TCAIM: variants seen among roughly 807,000 people sequenced by gnomAD.
TCAIM encodes T cell activation inhibitor, mitochondrial.
Under a neutral mutation model 58.6 loss-of-function variants are expected in TCAIM, and 36 were observed. That is an observed-to-expected ratio of 0.61 (90% confidence interval 0.47 to 0.81). The LOEUF (loss-of-function observed/expected upper bound fraction) is 0.81, where lower values mean the gene tolerates loss of function less well. Among genes scored for constraint, TCAIM ranks in the 30% least tolerant of loss-of-function variants. The pLI is 0.00. For synonymous variants in TCAIM, 172 were observed against 193.6 expected (o/e 0.89, Z 0.93); for missense variants, 466 against 579.6 (o/e 0.80, Z 2.01).
At chr3:44,345,537 T>G (rs1177576235) in intron 1 of TCAIM, among the ~76,000 whole-genome samples, 1 of 152,196 alleles carries the variant, frequency 6.6e-6, no homozygotes, top group Non-Finnish European at 1.5e-5. Flanking sequence ...GTCCCCTTTT[T>G]TTTTAGCAGT....
intron 4 of TCAIM, 64 bp from the exon 5 acceptor site, chr3:44,367,392 A>G (rs1471897350): frequency 6.7e-7 from 1 of 1,499,354 alleles, no homozygotes; most frequent in Non-Finnish European, 8.9e-7. Context: ...TTTTGATTTT[A>G]TATATGTTGA....
chr3:44,386,074 A>T lies in TCAIM; in HGVS notation c.573-6781A>T, dbSNP rs145158514. ...AAAATTTGCAGGAATAGGGCCAGGCAGAGTGGCTCGCACCTATAATCCCAG... is the reference window on the plus strand; with the variant it reads ...AAAATTTGCAGGAATAGGGCCAGGCTGAGTGGCTCGCACCTATAATCCCAG... On this transcript the variant is annotated intron_variant, in intron 5 of 10. Transcript: ENST00000342649. Among the ~76,000 whole-genome samples the T allele has an allele frequency of 1.4e-4, 21 of 151,774 alleles. No homozygotes were observed. In the East Asian group the frequency reaches 4.1e-3, roughly 30 times the overall value.
chr3:44,346,735 C>T (rs548136116), intron 1 of TCAIM, among the ~76,000 whole-genome samples: 3 of 152,084 alleles, frequency 2.0e-5, no homozygotes, highest in Non-Finnish European at 4.4e-5. Flanking sequence ...CAGCAGCTGC[C>T]GCGTGCAGAC....
Position 44,361,492 on chromosome 3 carries a change from A to G in TCAIM, c.293A>G (p.Asp98Gly). 1 of 1,605,680 alleles carries G rather than the reference A, an allele frequency of 6.2e-7. No homozygotes were observed. The highest frequency in any genetic ancestry group is 8.5e-7 in the Non-Finnish European group (1 of 1,176,896). Reference sequence around the variant, plus strand: ...AGAGAAACAGACCAGAGTTCCTCCGATGGCCAGGAACCTTTTAGTACTTCC... The same window carrying G: ...AGAGAAACAGACCAGAGTTCCTCCGGTGGCCAGGAACCTTTTAGTACTTCC... ...YVRETDQSSS[D>G]GQEPFSTSGF... Residue 98 changes from aspartate to glycine, a missense_variant, in exon 4 of 11, where the codon GAT (aspartate) becomes GGT (glycine). Coordinates refer to ENST00000342649, the MANE Select transcript of TCAIM (RefSeq NM_173826.4).
chr3:44,396,319 G>A (rs1232497251), intron 6 of TCAIM, 81 bp from the exon 7 acceptor site: 2 of 1,156,678 alleles, frequency 1.7e-6, no homozygotes, highest in Non-Finnish European at 2.5e-6. Context: ...GGCTTTCCAA[G>A]GACTCCAGTA....
At chr3:44,376,470 T>C (rs966100385) in intron 5 of TCAIM, among the ~76,000 whole-genome samples, 6 of 152,222 alleles carry the variant, frequency 3.9e-5, no homozygotes, top group African/African-American at 1.2e-4. Context: ...GTTTTTGTTA[T>C]TGAAGTTAAG....
intron 5 of TCAIM, among the ~76,000 whole-genome samples, chr3:44,374,172 G>A (rs1228762282): frequency 6.6e-6 from 1 of 151,980 alleles, no homozygotes; most frequent in Non-Finnish European, 1.5e-5. Context: ...AACTCATATT[G>A]TGCGTTTATT....
intron 1 of TCAIM, among the ~76,000 whole-genome samples, chr3:44,351,569 A>T (rs1195497981): frequency 2.0e-5 from 3 of 151,846 alleles, no homozygotes; most frequent in Non-Finnish European, 2.9e-5. Context: ...ATCTCGGCTC[A>T]CTCCAACCTC....
chr3:44,401,284 T>G lies in TCAIM; in HGVS notation c.1200T>G (p.Phe400Leu). ...GTGATCCAGCAAATCTCCAGTGGTTTATTCTCACCAAAGCTCAGCAGGCAA... is the reference window on the plus strand; with the variant it reads ...GTGATCCAGCAAATCTCCAGTGGTTGATTCTCACCAAAGCTCAGCAGGCAA... Reference protein sequence around the residue: ...TLCDPANLQWFILTKAQQARE... With the variant: ...TLCDPANLQWLILTKAQQARE... The change falls in exon 10 of 11, where the codon TTT (phenylalanine) becomes TTG (leucine). Residue 400 changes from phenylalanine (F) to leucine (L), a missense_variant. Coordinates refer to ENST00000342649, the MANE Select transcript of TCAIM (RefSeq NM_173826.4). 1 of 1,614,112 alleles carries G rather than the reference T, an allele frequency of 6.2e-7. No homozygotes were observed. The highest frequency in any genetic ancestry group is 1.1e-5 in the South Asian group (1 of 91,086).
At chr3:44,389,306 A>G (rs1317917406) in intron 5 of TCAIM, among the ~76,000 whole-genome samples, 2 of 152,250 alleles carry the variant, frequency 1.3e-5, no homozygotes, top group African/African-American at 4.8e-5. Flanking sequence ...TAATAATAAT[A>G]AAACAGAAAC....
At chr3:44,380,912 C>T (rs1451552410) in intron 5 of TCAIM, among the ~76,000 whole-genome samples, 2 of 152,044 alleles carry the variant, frequency 1.3e-5, no homozygotes, top group Non-Finnish European at 2.9e-5. Context: ...ATAAAATGGA[C>T]ATATTTCTAG....
chr3:44,389,817 C>A (rs1302511015), intron 5 of TCAIM, among the ~76,000 whole-genome samples: 1 of 152,022 alleles, frequency 6.6e-6, no homozygotes, highest in African/African-American at 2.4e-5. Flanking sequence ...CGTGTAAGAC[C>A]CTTCATAGTC....
chr3:44,377,564 G>A (rs1020338008), intron 5 of TCAIM, among the ~76,000 whole-genome samples: 2 of 152,160 alleles, frequency 1.3e-5, no homozygotes, highest in Non-Finnish European at 2.9e-5. Context: ...AACAACAACA[G>A]CATACACATT....
rs375307584 is a variant in TCAIM at position 44,394,585 on chromosome 3, A to G, written c.695+1608A>G. 5.2e-4 allele frequency among the ~76,000 whole-genome samples: 79 copies of G among 152,106 alleles called. No individual in the cohort carries two copies. In the East Asian group the frequency reaches 0.013, roughly 25 times the overall value. Reference sequence around the variant, plus strand: ...GAGAAATTTCTCAGCTTTAATTTATATTATGGTAAATGTCAATAGATATAA... The same window carrying G: ...GAGAAATTTCTCAGCTTTAATTTATGTTATGGTAAATGTCAATAGATATAA... On this transcript the variant is annotated intron_variant, in intron 6 of 10. Coordinates refer to ENST00000342649, the MANE Select transcript of TCAIM (RefSeq NM_173826.4).
chr3:44,390,020 A>G (rs1452999624), intron 5 of TCAIM, among the ~76,000 whole-genome samples: 3 of 152,212 alleles, frequency 2.0e-5, no homozygotes, highest in Admixed American at 2.0e-4. Context: ...TACCTGTTCT[A>G]CAGAATCTTC....
At position 44,401,243 on chromosome 3, in the gene TCAIM, A is replaced by T; in HGVS notation, c.1159A>T (p.Asn387Tyr). 1 of 1,614,096 alleles carries T rather than the reference A, an allele frequency of 6.2e-7. No homozygotes were observed. Among genetic ancestry groups the T allele is most frequent in the South Asian group, 1.1e-5 (1 of 91,088 alleles). Residue 387 changes from asparagine (N) to tyrosine (Y), a missense_variant, in exon 10 of 11, where the codon AAT becomes TAT. Asn to Tyr is a moderately radical substitution (Grantham distance 143). Coordinates refer to ENST00000342649, the MANE Select transcript of TCAIM (RefSeq NM_173826.4). ...AAGCTTGCATGAACTCGGGCATTTT[A>T]ATATTCCAACACTCTGTGATCCAGC... ...APSLHELGHF[N>Y]IPTLCDPANL...
intron 4 of TCAIM, among the ~76,000 whole-genome samples, chr3:44,363,793 T>G (rs1701326544): frequency 6.6e-6 from 1 of 152,120 alleles, no homozygotes; most frequent in African/African-American, 2.4e-5. Context: ...TAAACAAAAA[T>G]AGCTTATAGC....
At chr3:44,402,907 C>A (rs1052817997) in intron 10 of TCAIM, among the ~76,000 whole-genome samples, 25 of 152,092 alleles carry the variant, frequency 1.6e-4, no homozygotes, top group African/African-American at 6.0e-4. Context: ...GGAAGCAGTT[C>A]TCCCGCCTTA....
At chr3:44,349,108 AT>A (rs1283011092) in intron 1 of TCAIM, among the ~76,000 whole-genome samples, 2 of 152,090 alleles carry the variant, frequency 1.3e-5, no homozygotes, top group Non-Finnish European at 1.5e-5. Flanking sequence ...GAGAGGTCAG[AT>A]GGGTCCACAG....
Sources: allele counts gnomAD v4.1 joint callset (sites outside exome capture counted in the v4.1 genomes callset), GRCh38; gene constraint gnomAD v4.1.1; transcripts MANE v1.5; gene names NCBI Gene and HGNC (gene_info 2026-07-23, HGNC 2026-07-21).